CDH23: variants seen among roughly 807,000 people sequenced by gnomAD.
CDH23 encodes cadherin related 23.
In CDH23, 189 loss-of-function variants were observed where a neutral mutation model predicts 317.1. The observed-to-expected ratio is 0.60, with a 90% CI of 0.53 to 0.67. CDH23 has a LOEUF of 0.67. Among genes scored for constraint, CDH23 ranks in the 30% least tolerant of loss-of-function variants. CDH23 has a pLI of 0.00. For missense variants in CDH23, 4,401 were observed against 4,592.4 expected, an observed-to-expected ratio of 0.96 and a Z score of 1.20; for synonymous variants, 1,839 against 1,876.8, an observed-to-expected ratio of 0.98 and a Z score of 0.52.
intron 6 of CDH23, among the ~76,000 whole-genome samples, chr10:71,556,666 T>C (rs1856891274): frequency 6.6e-6 from 1 of 152,160 alleles, no homozygotes; most frequent in Non-Finnish European, 1.5e-5. Flanking sequence ...TTAATTTTGA[T>C]ATTAACCTTT....
chr10:71,534,652 T>C (rs1271972195), intron 6 of CDH23, among the ~76,000 whole-genome samples: 1 of 152,230 alleles, frequency 6.6e-6, no homozygotes, highest in African/African-American at 2.4e-5. Flanking sequence ...ACTCATGTGA[T>C]AGTCAGAGCC....
At chr10:71,700,487 G>A (rs928815771) in intron 22 of CDH23, among the ~76,000 whole-genome samples, 2 of 152,238 alleles carry the variant, frequency 1.3e-5, no homozygotes, top group Admixed American at 6.5e-5. Context: ...GACTTGGCCT[G>A]TTTTAAATTA....
intron 18 of CDH23, among the ~76,000 whole-genome samples, chr10:71,684,375 C>T (rs1864785843): frequency 6.6e-6 from 1 of 152,184 alleles, no homozygotes; most frequent in Non-Finnish European, 1.5e-5. Context: ...CACAAGGAGG[C>T]AGTGAATTCT....
At chr10:71,722,323 C>A (rs1373136869) in intron 28 of CDH23, among the ~76,000 whole-genome samples, 1 of 152,138 alleles carries the variant, frequency 6.6e-6, no homozygotes, top group Non-Finnish European at 1.5e-5. Flanking sequence ...TGTACTGTAG[C>A]AATACTGGGA....
At chr10:71,577,045 C>T (rs577690954) in intron 8 of CDH23, among the ~76,000 whole-genome samples, 1 of 152,202 alleles carries the variant, frequency 6.6e-6, no homozygotes, top group Non-Finnish European at 1.5e-5. Flanking sequence ...ATGACCCATG[C>T]TGAATGTTGC....
chr10:71,794,798 C>T (rs1841357097), intron 48 of CDH23, among the ~76,000 whole-genome samples: 2 of 152,290 alleles, frequency 1.3e-5, no homozygotes, highest in Admixed American at 1.3e-4. Context: ...ACCACCATTA[C>T]CCAGTATATG....
intron 38 of CDH23, among the ~76,000 whole-genome samples, chr10:71,759,296 C>T (rs1314472754): frequency 6.6e-6 from 1 of 151,988 alleles, no homozygotes; most frequent in Non-Finnish European, 1.5e-5. Context: ...CCTTGACCTC[C>T]TAAAGTGCTG....
chr10:71,720,420 AACACACACACACAC>A (rs57346519), intron 28 of CDH23, among the ~76,000 whole-genome samples: 2 of 145,750 alleles, frequency 1.4e-5, no homozygotes, highest in Non-Finnish European at 3.0e-5. Context: ...CTCTTTCCAA[AACACACACACACAC>A]ACACACACAC....
intron 12 of CDH23, among the ~76,000 whole-genome samples, chr10:71,645,429 C>G (rs1862789555): frequency 6.6e-6 from 1 of 152,238 alleles, no homozygotes; most frequent in South Asian, 2.1e-4. Flanking sequence ...TTAACTGCTT[C>G]TCTTCTCTCC....
At chr10:71,672,086 C>T (rs1316947843) in intron 14 of CDH23, among the ~76,000 whole-genome samples, 2 of 152,016 alleles carry the variant, frequency 1.3e-5, no homozygotes, top group Admixed American at 6.5e-5. Flanking sequence ...TTCAGTGCCT[C>T]AGTGTGATCA....
At chr10:71,470,289 G>A (rs1851446865) in intron 3 of CDH23, among the ~76,000 whole-genome samples, 1 of 152,248 alleles carries the variant, frequency 6.6e-6, no homozygotes, top group Non-Finnish European at 1.5e-5. Flanking sequence ...TATACATAAT[G>A]TAAAATTTAC....
intron 9 of CDH23, among the ~76,000 whole-genome samples, chr10:71,595,633 A>G (rs1859790033): frequency 6.6e-6 from 1 of 152,272 alleles, no homozygotes; most frequent in African/African-American, 2.4e-5. Flanking sequence ...CACGGCCCTC[A>G]CAACCCAGAA....
rs576819707 is a variant in CDH23, at chr10:71,551,117, G to A, written c.430-15625G>A. Among the ~76,000 whole-genome samples the A allele has an allele frequency of 9.2e-5, 14 of 152,322 alleles. No homozygotes were observed. In the South Asian group the frequency reaches 1.9e-3, roughly 20 times the overall value. ...TAATAACACCGACAGTAATGAATTC[G>A]TTTGTATTAATGTGAGTGTCACGAG... On this transcript the variant is annotated intron_variant, in intron 6 of 69. Coordinates refer to ENST00000224721, the MANE Select transcript of CDH23 (RefSeq NM_022124.6).
intron 39 of CDH23, 25 bp from the exon 40 acceptor site, chr10:71,778,164 C>A (rs1281086372): frequency 6.2e-7 from 1 of 1,613,528 alleles, no homozygotes; most frequent in East Asian, 2.2e-5. Context: ...TAGATCCATC[C>A]TTGTCCCTTC....
chr10:71,768,965 G>A (rs1216583070), intron 38 of CDH23, among the ~76,000 whole-genome samples: 1 of 152,172 alleles, frequency 6.6e-6, no homozygotes, highest in Non-Finnish European at 1.5e-5. Context: ...GCCTCTGGAG[G>A]TCTGGTGCCA....
chr10:71,677,501 G>C lies in CDH23; in HGVS notation c.1560G>C (p.Arg520Ser), dbSNP rs1187026276. ...KDTGLIMLIARLDYELIQRFT... is the reference protein window; with the variant it reads ...KDTGLIMLIASLDYELIQRFT... Reference sequence around the variant, plus strand: ...CGGGACTCATCATGCTGATTGCCAGGCTGGACTATGAGCTCATCCAGCGCT... The same window carrying C: ...CGGGACTCATCATGCTGATTGCCAGCCTGGACTATGAGCTCATCCAGCGCT... Residue 520 changes from arginine to serine, a missense_variant, in exon 16 of 70, where the codon AGG (arginine) becomes AGC (serine). This residue lies in a region of CDH23 where 3,068 missense variants were observed against 3,203.3 expected (regional missense o/e 0.96). Transcript: ENST00000224721. 8 of 1,611,882 alleles carry C rather than the reference G, an allele frequency of 5.0e-6. No homozygotes were observed. The highest frequency in any genetic ancestry group is 6.8e-6 in the Non-Finnish European group (8 of 1,179,326).
chr10:71,755,486 G>A, intron 38 of CDH23: 1 of 1,597,182 alleles, frequency 6.3e-7, no homozygotes, highest in South Asian at 1.1e-5. Context: ...CAGAGAGGTA[G>A]CCAAGGTGAA....
Position 71,732,128 on chromosome 10 carries a change from C to T in CDH23, c.3857C>T (p.Thr1286Ile), listed in dbSNP as rs1368255370. Residue 1286 changes from threonine (T) to isoleucine (I), a missense_variant, in exon 32 of 70, where the codon ACT becomes ATT. By Grantham distance (89) the Thr-to-Ile change is moderately conservative. This residue lies in a region of CDH23 where 3,068 missense variants were observed against 3,203.3 expected (regional missense o/e 0.96). Coordinates refer to ENST00000224721, the MANE Select transcript of CDH23 (RefSeq NM_022124.6). ...AGCTACATGATGAATGTGTCGGCCA[C>T]TGACCAGGCCCCGCCCTTCAACCAG... ...KTSYMMNVSA[T>I]DQAPPFNQGF... The T allele has an allele frequency of 1.2e-6, 2 of 1,614,062 alleles. No individual in the cohort carries two copies. Among genetic ancestry groups the T allele is most frequent in the East Asian group, 2.2e-5 (1 of 44,886 alleles).
chr10:71,687,511 G>A, intron 18 of CDH23, 136 bp from the exon 19 acceptor site: 1 of 740,738 alleles, frequency 1.3e-6, no homozygotes, highest in Non-Finnish European at 2.4e-6. Flanking sequence ...ACCTCACCTG[G>A]CTCTGGTTAT....
Sources: gnomAD v4.1 joint callset for allele counts (sites outside exome capture counted in the v4.1 genomes callset) on GRCh38, gnomAD v4.1.1 for gene constraint, gnomAD v4.1.1 regional missense constraint, MANE v1.5 for transcripts, NCBI Gene and HGNC (gene_info 2026-07-23, HGNC 2026-07-21) for gene names.